SV2C: variants seen among roughly 807,000 people sequenced by gnomAD.
SV2C encodes the protein synaptic vesicle glycoprotein 2C, also known as solute carrier family 22 member B3.
SV2C carries 49 observed loss-of-function variants against 79.7 expected under a neutral mutation model. The ratio of observed to expected loss-of-function variants is 0.61; its 90% CI spans 0.49 to 0.78. The LOEUF (loss-of-function observed/expected upper bound fraction) is 0.78, where lower values mean the gene tolerates loss of function less well. Ranked by LOEUF, SV2C falls within the 30% of genes least tolerant of loss-of-function variation. The probability of loss-of-function intolerance (pLI) is 0.00; values close to 1 mark genes in which losing one functional copy is unlikely to be tolerated. For missense variants in SV2C, 833 were observed against 912.9 expected (o/e 0.91, Z 1.13); for synonymous variants, 334 against 333.2 (o/e 1.00, Z -0.03).
rs76649030 is a variant in SV2C, at chr5:76,217,285, C to T, written c.913+7398C>T. 9.7e-3 allele frequency among the ~76,000 whole-genome samples: 1,473 copies of T among 152,276 alleles called. 27 individuals are homozygous for T. Among genetic ancestry groups the T allele is most frequent in the African/African-American group, 0.034 (1,409 of 41,544 alleles). The stretch of plus-strand genomic sequence containing the variant: ...GGTTGTCCAAATTACCAAAACATCC[C>T]TACTTCCTTTGGCTGGCAGGAGAGG... On this transcript the variant is annotated intron_variant, in intron 4 of 12. Transcript: ENST00000502798.
At chr5:75,850,309 C>G in the SV2C span, among the ~76,000 whole-genome samples, 1 of 152,064 alleles carries the variant, frequency 6.6e-6, no homozygotes, top group Admixed American at 6.5e-5. Context: ...ACACCGTTCC[C>G]GTGATTGGTG....
chr5:75,877,629 A>C, the SV2C span, among the ~76,000 whole-genome samples: 1 of 151,566 alleles, frequency 6.6e-6, no homozygotes, highest in Admixed American at 6.6e-5. Flanking sequence ...TGAAAAACTC[A>C]CAAATAGGTG....
At chr5:76,250,721 C>T (rs960902341) in intron 4 of SV2C, among the ~76,000 whole-genome samples, 3 of 152,204 alleles carry the variant, frequency 2.0e-5, no homozygotes, top group African/African-American at 7.2e-5. Context: ...GAACAGGCTA[C>T]ACTGGCTATG....
Position 76,130,145 on chromosome 5 carries a change from T to TAAAAAAAAAAAA in SV2C, c.-101-1481_-101-1470dup, listed in dbSNP as rs375351450. Reference sequence around the variant, plus strand: ...CTCCCTTTCTCTTCCTCTCAGTTCTTAAAAAAAAAAAAAAAAAAAAAAAAA... The same window carrying TAAAAAAAAAAAA: ...CTCCCTTTCTCTTCCTCTCAGTTCTTAAAAAAAAAAAAAAAAAAAAAAAAAAAAAAAAAAAAA... On this transcript the variant is annotated intron_variant, in intron 1 of 12. Transcript: ENST00000502798. 2.8e-4 allele frequency among the ~76,000 whole-genome samples: 19 copies of TAAAAAAAAAAAA among 67,832 alleles called. 1 individual carries two copies. Among genetic ancestry groups the TAAAAAAAAAAAA allele is most frequent in the Non-Finnish European group, 3.5e-4 (15 of 43,434 alleles). 44.5% of individuals were successfully genotyped at this position (67,832 alleles called of 152,430 possible).
chr5:75,954,791 A>G, the SV2C span, among the ~76,000 whole-genome samples: 4 of 147,798 alleles, frequency 2.7e-5, no homozygotes, highest in Admixed American at 2.7e-4. Context: ...ACTCCCATTC[A>G]CAATTGCTTC....
chr5:75,982,356 T>C, the SV2C span, among the ~76,000 whole-genome samples: 3 of 151,450 alleles, frequency 2.0e-5, no homozygotes, highest in African/African-American at 7.3e-5. Flanking sequence ...AACAATCATA[T>C]AAAAAAAGTT....
At position 76,301,376 on chromosome 5, in the gene SV2C, T is replaced by C. The variant is rs1384579103; in HGVS notation, c.1841-10T>C. ...GAAACATTCCAGCCTTTTGTCTGCA[T>C]TGTTGGCAGGTGGCTCTATGGTGCT... On this transcript the variant is annotated splice_polypyrimidine_tract_variant and intron_variant, in intron 11 of 12. Coordinates refer to ENST00000502798, the MANE Select transcript of SV2C (RefSeq NM_014979.4). 4.3e-6 allele frequency: 7 copies of C among 1,613,522 alleles called. No homozygotes were observed. The highest frequency in any genetic ancestry group is 5.9e-6 in the Non-Finnish European group (7 of 1,179,876).
chr5:76,100,962 G>A lies in SV2C; in HGVS notation c.-102+17450G>A, dbSNP rs575963166. ...ATATTTCCACACGTCCCCAAGGCTG[G>A]GGGTTGGGGGGAGTGCAGAATTGCC... On this transcript the variant is annotated intron_variant, in intron 1 of 12. Transcript: ENST00000502798. 2.0e-5 allele frequency among the ~76,000 whole-genome samples: 3 copies of A among 152,330 alleles called. No homozygotes were observed. In the South Asian group the frequency reaches 6.2e-4, roughly 32 times the overall value.
chr5:76,076,556 T>G, the SV2C span, among the ~76,000 whole-genome samples: 1 of 151,986 alleles, frequency 6.6e-6, no homozygotes, highest in Non-Finnish European at 1.5e-5. Flanking sequence ...TTTATGTGAT[T>G]TTTTTTTGAA....
chr5:76,205,149 G>A (rs909247386), intron 3 of SV2C, among the ~76,000 whole-genome samples: 3 of 117,168 alleles, frequency 2.6e-5, no homozygotes, highest in Non-Finnish European at 3.4e-5. Flanking sequence ...GGTGTTGTGC[G>A]TGTGTGTGTG....
downstream of SV2C, among the ~76,000 whole-genome samples, chr5:76,337,305 T>C (rs139368720): frequency 4.9e-4 from 75 of 152,196 alleles, no homozygotes; most frequent in East Asian, 5.8e-3. Flanking sequence ...TTTCCCTTTC[T>C]TATAAGGAAA....
At chr5:75,936,856 A>G in the SV2C span, among the ~76,000 whole-genome samples, 7 of 152,208 alleles carry the variant, frequency 4.6e-5, no homozygotes, top group African/African-American at 1.7e-4. Context: ...GCAGTGTGTC[A>G]AATGTTCGTT....
At chr5:76,324,997 T>G (rs1197517060) in intron 12 of SV2C, among the ~76,000 whole-genome samples, 1 of 152,210 alleles carries the variant, frequency 6.6e-6, no homozygotes, top group Non-Finnish European at 1.5e-5. Context: ...CACTCCAGCC[T>G]GGGCAACCGA....
Position 76,273,561 on chromosome 5 carries a change from G to A in SV2C, c.914-11601G>A, listed in dbSNP as rs992921068. ...AGAAAATGTGCTTCTTCGAAAGCAC[G>A]GTTAGGGTCATAAGTCAAATTCAGG... On this transcript the variant is annotated intron_variant, in intron 4 of 12. Coordinates refer to ENST00000502798, the MANE Select transcript of SV2C (RefSeq NM_014979.4). 4.6e-5 allele frequency among the ~76,000 whole-genome samples: 7 copies of A among 152,170 alleles called. No homozygotes were observed. The South Asian group carries it at 6.2e-4, about 14-fold the overall frequency.
chr5:76,047,294 T>C, the SV2C span, among the ~76,000 whole-genome samples: 1 of 152,248 alleles, frequency 6.6e-6, no homozygotes, highest in Non-Finnish European at 1.5e-5. Flanking sequence ...TGATTCGACT[T>C]CTAATACAAG....
At chr5:75,984,573 ATC>A in the SV2C span, among the ~76,000 whole-genome samples, 1 of 79,716 alleles carries the variant, frequency 1.3e-5, no homozygotes, top group Non-Finnish European at 3.9e-5. Flanking sequence ...ATCTATATCT[ATC>A]TATCTATCTA....
chr5:76,323,133 C>G (rs1380300896), intron 12 of SV2C, among the ~76,000 whole-genome samples: 1 of 152,108 alleles, frequency 6.6e-6, no homozygotes, highest in Non-Finnish European at 1.5e-5. Flanking sequence ...TTGCAATCTA[C>G]CCATCTGACA....
intron 4 of SV2C, among the ~76,000 whole-genome samples, chr5:76,211,090 A>G (rs188319655): frequency 1.3e-5 from 2 of 152,242 alleles, no homozygotes; most frequent in Non-Finnish European, 2.9e-5. Flanking sequence ...CATATCAAAC[A>G]CACAGAAGCA....
At chr5:76,219,210 A>T (rs568971408) in intron 4 of SV2C, among the ~76,000 whole-genome samples, 50 of 152,338 alleles carry the variant, frequency 3.3e-4, no homozygotes, top group Admixed American at 1.1e-3. Context: ...TATGCTCAAG[A>T]GGCAGAGTAA....
Sources: allele counts gnomAD v4.1 joint callset (sites outside exome capture counted in the v4.1 genomes callset), GRCh38; gene constraint gnomAD v4.1.1; transcripts MANE v1.5; gene names NCBI Gene and HGNC (gene_info 2026-07-23, HGNC 2026-07-21).